POTEJ: variants seen among roughly 807,000 people sequenced by gnomAD.
POTEJ encodes the protein POTE ankyrin domain family, member J.
A neutral mutation model predicts 69.0 loss-of-function variants in POTEJ; 11 were observed. The observed-to-expected ratio is 0.16, with a 90% confidence interval of 0.10 to 0.26. POTEJ has a LOEUF of 0.26. POTEJ is among the 10% of genes least tolerant of loss of function. The pLI is 1.00. For synonymous variants in POTEJ, 117 were observed against 381.1 expected, an observed-to-expected ratio of 0.31 and a Z score of 8.07; for missense variants, 327 against 1,045.5, an observed-to-expected ratio of 0.31 and a Z score of 9.48.
intron 7 of POTEJ, among the ~76,000 whole-genome samples, chr2:130,631,114 C>A (rs1685882238): frequency 6.8e-6 from 1 of 146,612 alleles, no homozygotes; most frequent in Non-Finnish European, 1.5e-5. Context: ...AAATGGTGAC[C>A]AAGTTAAGTT....
At chr2:130,646,962 G>T (rs1474196743) in intron 13 of POTEJ, among the ~76,000 whole-genome samples, 1 of 148,232 alleles carries the variant, frequency 6.7e-6, no homozygotes, top group African/African-American at 2.6e-5. Flanking sequence ...ATATATAACA[G>T]AGTAAGCATA....
chr2:130,638,073 A>G (rs1686176780), intron 9 of POTEJ, among the ~76,000 whole-genome samples: 1 of 149,106 alleles, frequency 6.7e-6, no homozygotes, highest in Non-Finnish European at 1.5e-5. Context: ...TGAAAACTAC[A>G]ACATTTGCAT....
chr2:130,611,310 G>GA (rs1685199202), upstream of POTEJ, among the ~76,000 whole-genome samples: 1 of 141,928 alleles, frequency 7.0e-6, no homozygotes, highest in Non-Finnish European at 1.5e-5. Flanking sequence ...GGGGGGGGGG[G>GA]GGTTGGCCCT....
intron 6 of POTEJ, among the ~76,000 whole-genome samples, chr2:130,627,125 G>A (rs577707926): frequency 6.6e-6 from 1 of 152,150 alleles, no homozygotes; most frequent in South Asian, 2.1e-4. Context: ...AAATTTTCTG[G>A]TGAATACCGA....
At chr2:130,625,634 G>A (rs1685679374) in intron 6 of POTEJ, among the ~76,000 whole-genome samples, 1 of 148,068 alleles carries the variant, frequency 6.8e-6, no homozygotes, top group African/African-American at 2.6e-5. Flanking sequence ...TTTGCCAGAA[G>A]GAACATCTAA....
intron 6 of POTEJ, among the ~76,000 whole-genome samples, chr2:130,626,539 C>T (rs1685712219): frequency 6.6e-6 from 1 of 151,876 alleles, no homozygotes. Flanking sequence ...GTGAAAGCCA[C>T]CATGATTATA....
chr2:130,636,284 C>G (rs1299501430), intron 9 of POTEJ, among the ~76,000 whole-genome samples: 1 of 152,178 alleles, frequency 6.6e-6, no homozygotes, highest in African/African-American at 2.4e-5. Context: ...GTGTACTACC[C>G]AGACACATCA....
In POTEJ at chr2:130,656,551, T is replaced by C. The variant is rs1273476036; in HGVS notation, c.1791T>C (p.Leu597=). The change falls in exon 15 of 15, where the codon CTT becomes CTC. Residue 597 remains leucine (L), a splice_region_variant and synonymous_variant. Transcript: ENST00000409602. ...IEVVEKMNSE[L]SLSCKKERDF... ...AAAAGTTCTCTTTGTTTACTTAGCTTTCTCTTAGTTGTAAGAAAGAAAGAG... is the reference window on the plus strand; with the variant it reads ...AAAAGTTCTCTTTGTTTACTTAGCTCTCTCTTAGTTGTAAGAAAGAAAGAG... 2 of 1,608,810 alleles carry C rather than the reference T, an allele frequency of 1.2e-6. No homozygotes were observed. The highest frequency in any genetic ancestry group is 1.7e-5 in the Admixed American group (1 of 59,848).
intron 1 of POTEJ, among the ~76,000 whole-genome samples, chr2:130,613,869 G>GA (rs1213239972): frequency 7.8e-6 from 1 of 128,888 alleles, no homozygotes; most frequent in Non-Finnish European, 1.6e-5. Context: ...GTTAGAAGAG[G>GA]AATGAAAGGC....
rs1047429873 is a variant in POTEJ at position 130,643,378 on chromosome 2, G to A, written c.1370-605G>A. Among the ~76,000 whole-genome samples the A allele has an allele frequency of 9.9e-5, 13 of 130,998 alleles. 1 individual carries two copies. The highest frequency in any genetic ancestry group is 2.2e-4 in the Non-Finnish European group (13 of 58,750). 85.9% of individuals were successfully genotyped at this position (130,998 alleles called of 152,430 possible). A position where few individuals can be genotyped will look rare whatever the true frequency, so the allele number is the denominator to read the frequency against. On this transcript the variant is annotated intron_variant, in intron 10 of 14. Coordinates refer to ENST00000409602, the MANE Select transcript of POTEJ (RefSeq NM_001277083.2). ...TACTAAAAATACAAAAATCAGCTGG[G>A]TGTGGTGGTGCTTGCCTGTAATCAC...
chr2:130,612,270 A>G (rs1157696809), intron 1 of POTEJ, among the ~76,000 whole-genome samples: 1 of 151,538 alleles, frequency 6.6e-6, no homozygotes, highest in Non-Finnish European at 1.5e-5. Context: ...TCTATACATT[A>G]TAGAAAAGTG....
At chr2:130,646,974 A>G (rs1274807559) in intron 13 of POTEJ, among the ~76,000 whole-genome samples, 1 of 149,338 alleles carries the variant, frequency 6.7e-6, no homozygotes, top group Non-Finnish European at 1.5e-5. Flanking sequence ...GTAAGCATAT[A>G]TAATACATGT....
In POTEJ at chr2:130,657,628, GT is replaced by G. The variant is rs1687063899; in HGVS notation, c.2869del (p.Tyr957ThrfsTer31). 1 of 1,513,048 alleles carries G rather than the reference GT, an allele frequency of 6.6e-7. No individual in the cohort carries two copies. The highest frequency in any genetic ancestry group is 1.7e-5 in the African/African-American group (1 of 57,896). 93.7% of individuals were successfully genotyped at this position (1,513,048 alleles called of 1,614,324 possible). On this transcript the variant is annotated frameshift_variant, in exon 15 of 15. Coordinates refer to ENST00000409602, the MANE Select transcript of POTEJ (RefSeq NM_001277083.2). LOFTEE classifies it high-confidence loss of function. ...CTGATGTGGACATCCGCAAAGACCT[GT>G]ACACCAACACAGTGCTGTCTGGCGG... ...KSDVDIRKDL[Y>X]TNTVLSGGTT...
intron 13 of POTEJ, among the ~76,000 whole-genome samples, chr2:130,648,780 A>AATTTT (rs1686688063): frequency 1.6e-5 from 2 of 123,458 alleles, no homozygotes; most frequent in African/African-American, 6.5e-5. Context: ...TCTTTCTCAT[A>AATTTT]GTTTTTTTTT....
At chr2:130,656,318 TAGGAGC>T (rs2105267766) in intron 14 of POTEJ, among the ~76,000 whole-genome samples, 1 of 147,378 alleles carries the variant, frequency 6.8e-6, no homozygotes, top group South Asian at 2.1e-4. Flanking sequence ...TTTAGGAATT[TAGGAGC>T]AGATTCCTAA....
intron 13 of POTEJ, among the ~76,000 whole-genome samples, chr2:130,652,871 T>A (rs1184718706): frequency 1.5e-5 from 2 of 136,960 alleles, no homozygotes; most frequent in East Asian, 4.0e-4. Flanking sequence ...TTTTGAGAAA[T>A]GTCTATTCAT....
At chr2:130,618,779 T>TC (rs1685454882) in intron 3 of POTEJ, among the ~76,000 whole-genome samples, 1 of 102,572 alleles carries the variant, frequency 9.7e-6, no homozygotes, top group African/African-American at 5.3e-5. Context: ...TCTGACTTTT[T>TC]TTTTTTTTTT....
At chr2:130,612,117 C>CA (rs1327710184) in intron 1 of POTEJ, among the ~76,000 whole-genome samples, 175 bp downstream of exon 1, 69 of 151,836 alleles carry the variant, frequency 4.5e-4, no homozygotes, top group African/African-American at 1.4e-3. Context: ...GCAACACACA[C>CA]AAAAAAAACT....
chr2:130,641,645 A>C (rs1287338534), intron 10 of POTEJ, among the ~76,000 whole-genome samples: 3 of 151,572 alleles, frequency 2.0e-5, no homozygotes, highest in Non-Finnish European at 4.4e-5. Context: ...GACATGAGGA[A>C]GGAGTAGGAA....
Sources: allele counts gnomAD v4.1 joint callset (sites outside exome capture counted in the v4.1 genomes callset), GRCh38; gene constraint gnomAD v4.1.1; transcripts MANE v1.5; gene names NCBI Gene and HGNC (gene_info 2026-07-23, HGNC 2026-07-21).